TMEM45A: variants seen among roughly 807,000 people sequenced by gnomAD.
TMEM45A encodes transmembrane protein 45A, also known as DNA polymerase-transactivated protein 4.
TMEM45A carries 25 observed loss-of-function variants against 32.0 expected under a neutral mutation model. The observed-to-expected ratio is 0.78, with a 90% CI of 0.57 to 1.09. The LOEUF (loss-of-function observed/expected upper bound fraction) is 1.09. Among genes scored for constraint, TMEM45A ranks in the 50% least tolerant of loss-of-function variants. The probability of loss-of-function intolerance (pLI) is 0.00; values close to 1 mark genes in which losing one functional copy is unlikely to be tolerated. For synonymous variants in TMEM45A, 122 were observed against 114.8 expected (o/e 1.06, Z -0.40); for missense variants, 302 against 325.0 (o/e 0.93, Z 0.54).
At chr3:100,528,846 A>G (rs1334767461) in intron 1 of TMEM45A, among the ~76,000 whole-genome samples, 1 of 152,220 alleles carries the variant, frequency 6.6e-6, no homozygotes, top group Admixed American at 6.5e-5. Context: ...GCAGAACACT[A>G]TGACAGAGCC....
intron 1 of TMEM45A, among the ~76,000 whole-genome samples, chr3:100,533,421 A>G (rs1705684927): frequency 6.6e-6 from 1 of 152,066 alleles, no homozygotes; most frequent in African/African-American, 2.4e-5. Flanking sequence ...GATGGCTCTT[A>G]GCATTCCTCA....
chr3:100,516,539 G>T (rs903380236), intron 1 of TMEM45A, among the ~76,000 whole-genome samples: 1 of 152,068 alleles, frequency 6.6e-6, no homozygotes, highest in Non-Finnish European at 1.5e-5. Context: ...TACCTCCATC[G>T]CAGTCTTATT....
chr3:100,523,693 C>T (rs986608875), intron 1 of TMEM45A, among the ~76,000 whole-genome samples: 5 of 70,578 alleles, frequency 7.1e-5, no homozygotes, highest in Non-Finnish European at 7.0e-5. Context: ...TCTCCTCCTT[C>T]TCCTTCTCCT....
intron 1 of TMEM45A, among the ~76,000 whole-genome samples, chr3:100,507,932 A>C (rs1376969131): frequency 2.0e-5 from 3 of 150,936 alleles, no homozygotes; most frequent in Non-Finnish European, 4.4e-5. Flanking sequence ...TCTCCACAAA[A>C]GAGGACCAAA....
At chr3:100,534,839 G>A (rs186154515) in intron 1 of TMEM45A, among the ~76,000 whole-genome samples, 2 of 152,294 alleles carry the variant, frequency 1.3e-5, no homozygotes, top group East Asian at 1.9e-4. Flanking sequence ...TTTAAGATAA[G>A]CTGTTTCTTC....
Position 100,576,982 on chromosome 3 carries a change from TGCTGAACGAGAACAA to T in TMEM45A, c.794_808del (p.Ala265_Gln269del). ...CCTCAGAAGTTGGACTTCTGAAAAA[TGCTGAACGAGAACAA>T]GAATCAGAAGAAGAAATGTGACTTT... On this transcript the variant is annotated inframe_deletion, in exon 6 of 6. Transcript: ENST00000323523. 1 of 1,613,610 alleles carries T rather than the reference TGCTGAACGAGAACAA, an allele frequency of 6.2e-7. No homozygotes were observed. The highest frequency in any genetic ancestry group is 8.5e-7 in the Non-Finnish European group (1 of 1,179,926).
Position 100,568,844 on chromosome 3 carries a change from C to T in TMEM45A, c.611C>T (p.Pro204Leu). 8 of 1,612,788 alleles carry T rather than the reference C, an allele frequency of 5.0e-6. No homozygotes were observed. The highest frequency in any genetic ancestry group is 6.8e-6 in the Non-Finnish European group (8 of 1,179,098). ...CAGATTGGATTTGTCCTGTATCCCCCCAGTGGAGGTCCTGCATGGGATCTG... is the reference window on the plus strand; with the variant it reads ...CAGATTGGATTTGTCCTGTATCCCCTCAGTGGAGGTCCTGCATGGGATCTG... ...FFQIGFVLYP[P>L]SGGPAWDLMD... The change falls in exon 5 of 6, where the codon CCC becomes CTC. Residue 204 changes from proline to leucine, a missense_variant. Physicochemically the swap from Pro to Leu is moderately conservative, Grantham distance 98. Coordinates refer to ENST00000323523, the MANE Select transcript of TMEM45A (RefSeq NM_018004.3).
intron 5 of TMEM45A, chr3:100,573,769 G>A (rs536684986): frequency 2.6e-5 from 4 of 152,218 alleles, no homozygotes; most frequent in African/African-American, 7.2e-5. Context: ...TTTGAGATAC[G>A]TCCCATCAAT....
intron 1 of TMEM45A, among the ~76,000 whole-genome samples, chr3:100,541,980 G>T (rs1204895261): frequency 6.6e-6 from 1 of 151,818 alleles, no homozygotes; most frequent in Non-Finnish European, 1.5e-5. Flanking sequence ...TTTTATTTCT[G>T]TGTTCTCTAT....
chr3:100,495,414 G>C (rs1707910114), intron 1 of TMEM45A, among the ~76,000 whole-genome samples: 1 of 152,198 alleles, frequency 6.6e-6, no homozygotes, highest in African/African-American at 2.4e-5. Flanking sequence ...ACTATGGCTG[G>C]AAAGTGAGGA....
chr3:100,509,206 A>G (rs1463266493), intron 1 of TMEM45A, among the ~76,000 whole-genome samples: 1 of 152,250 alleles, frequency 6.6e-6, no homozygotes, highest in Non-Finnish European at 1.5e-5. Context: ...TAATCATTAA[A>G]GAACTGCAAA....
chr3:100,518,112 A>C (rs1705339455), intron 1 of TMEM45A, among the ~76,000 whole-genome samples: 1 of 152,238 alleles, frequency 6.6e-6, no homozygotes, highest in South Asian at 2.1e-4. Context: ...GTTAAGAAGC[A>C]GAAAGAAAAA....
intron 5 of TMEM45A, chr3:100,570,917 A>G (rs1706544047): frequency 6.6e-6 from 1 of 152,088 alleles, no homozygotes; most frequent in Non-Finnish European, 1.5e-5. Context: ...CTTTTCTATG[A>G]AAACTTCTGT....
chr3:100,550,336 A>G (rs1274304474), intron 1 of TMEM45A, among the ~76,000 whole-genome samples: 5 of 152,216 alleles, frequency 3.3e-5, no homozygotes, highest in African/African-American at 4.8e-5. Flanking sequence ...GTGCTGGTAC[A>G]GAATGATGGA....
intron 1 of TMEM45A, among the ~76,000 whole-genome samples, chr3:100,532,673 G>A (rs1705667448): frequency 6.6e-6 from 1 of 152,184 alleles, no homozygotes; most frequent in African/African-American, 2.4e-5. Context: ...GTTACGGTGA[G>A]TTTTTGAGGC....
intron 5 of TMEM45A, among the ~76,000 whole-genome samples, chr3:100,575,638 T>C (rs1706669182): frequency 6.6e-6 from 1 of 152,220 alleles, no homozygotes; most frequent in Non-Finnish European, 1.5e-5. Context: ...CCCACAGTGC[T>C]GGGATTATAG....
chr3:100,513,877 T>C (rs1210622048), intron 1 of TMEM45A, among the ~76,000 whole-genome samples: 2 of 152,006 alleles, frequency 1.3e-5, no homozygotes, highest in African/African-American at 4.8e-5. Context: ...CCATTCACAA[T>C]TGCTTCAAAG....
chr3:100,552,588 A>G (rs959879061), intron 1 of TMEM45A, among the ~76,000 whole-genome samples: 1 of 152,210 alleles, frequency 6.6e-6, no homozygotes, highest in African/African-American at 2.4e-5. Context: ...AGTGTTGTTA[A>G]CCAAACTAGG....
chr3:100,507,204 A>G (rs538475001), intron 1 of TMEM45A, among the ~76,000 whole-genome samples: 13 of 152,328 alleles, frequency 8.5e-5, no homozygotes, highest in African/African-American at 1.9e-4. Flanking sequence ...ACACTCTGTC[A>G]TTAGGATGTC....
Sources: gnomAD v4.1 joint callset for allele counts (sites outside exome capture counted in the v4.1 genomes callset) on GRCh38, gnomAD v4.1.1 for gene constraint, MANE v1.5 for transcripts, NCBI Gene and HGNC (gene_info 2026-07-23, HGNC 2026-07-21) for gene names.